PATJ: variants seen among roughly 807,000 people sequenced by gnomAD.
The protein encoded by PATJ is PATJ crumbs cell polarity complex component.
Under a neutral mutation model 224.9 loss-of-function variants are expected in PATJ, and 190 were observed. The ratio of observed to expected loss-of-function variants is 0.84; its 90% CI spans 0.75 to 0.95. PATJ has a LOEUF of 0.95. Among genes scored for constraint, PATJ ranks in the 40% least tolerant of loss-of-function variants. PATJ has a pLI of 0.00. For missense variants in PATJ, 2,121 were observed against 2,270.3 expected (o/e 0.93, Z 1.34); for synonymous variants, 769 against 820.3 (o/e 0.94, Z 1.07).
chr1:62,140,457 G>C (rs10889289), intron 41 of PATJ, among the ~76,000 whole-genome samples: 1 of 151,826 alleles, frequency 6.6e-6, no homozygotes, highest in African/African-American at 2.4e-5. Flanking sequence ...GTTTGAGACC[G>C]GCCTGGCCAA....
At chr1:62,004,565 G>A (rs1016297660) in intron 28 of PATJ, among the ~76,000 whole-genome samples, 3 of 152,032 alleles carry the variant, frequency 2.0e-5, no homozygotes, top group Non-Finnish European at 4.4e-5. Context: ...TTGGCTATAA[G>A]TTCTGATTCT....
chr1:62,067,123 CTT>C (rs11381578), intron 31 of PATJ, among the ~76,000 whole-genome samples: 12,295 of 116,474 alleles, frequency 0.11, 1,278 homozygotes, highest in African/African-American at 0.3. Context: ...CCTATTCTTT[CTT>C]TTTTTTTTTT....
rs1029831017 is a variant in PATJ at position 61,746,161 on chromosome 1, C to T, written c.-36+3606C>T. Among the ~76,000 whole-genome samples, 12 of 152,120 alleles carry T rather than the reference C, an allele frequency of 7.9e-5. No individual in the cohort carries two copies. In the South Asian group the frequency reaches 1.0e-3, roughly 13 times the overall value. ...TTTGCCATGTTGGCCAGGCTGGTCT[C>T]GGACTCCTGACCTCAAGAGATCTGC... On this transcript the variant is annotated intron_variant, in intron 1 of 43. Transcript: ENST00000642238.
At chr1:61,965,612 G>T (rs1436371767) in intron 27 of PATJ, among the ~76,000 whole-genome samples, 1 of 152,208 alleles carries the variant, frequency 6.6e-6, no homozygotes, top group African/African-American at 2.4e-5. Context: ...AAGTAGTTCA[G>T]TTGACAAGGG....
intron 28 of PATJ, among the ~76,000 whole-genome samples, chr1:61,996,735 T>A (rs1348667794): frequency 9.2e-6 from 1 of 109,140 alleles, no homozygotes; most frequent in Non-Finnish European, 1.8e-5. Flanking sequence ...TTTTTTCTTT[T>A]CTTTTCTTTT....
At chr1:61,952,480 G>A (rs1679863222) in intron 27 of PATJ, 1 of 714,616 alleles carries the variant, frequency 1.4e-6, no homozygotes, top group South Asian at 1.5e-5. Context: ...TTTAGTGTTG[G>A]TGCAGAATGT....
intron 8 of PATJ, among the ~76,000 whole-genome samples, chr1:61,788,244 G>C (rs1036595485): frequency 1.3e-5 from 2 of 152,092 alleles, no homozygotes; most frequent in Non-Finnish European, 2.9e-5. Flanking sequence ...TCATTGGGCT[G>C]GTGAGGAGAC....
chr1:61,786,729 T>C (rs193199675), intron 7 of PATJ, among the ~76,000 whole-genome samples: 33 of 152,168 alleles, frequency 2.2e-4, no homozygotes, highest in African/African-American at 7.2e-4. Context: ...CAGTGGCTTA[T>C]GCCTGTAATC....
At chr1:61,861,493 T>C in intron 18 of PATJ, 58 bp from the exon 19 acceptor site, 1 of 627,292 alleles carries the variant, frequency 1.6e-6, no homozygotes, top group Non-Finnish European at 2.8e-6. Flanking sequence ...CTCCCTCCCC[T>C]TGCTCCCCAC....
rs762722938 is a variant in PATJ at position 62,045,316 on chromosome 1, G to A, written c.4033-5650G>A. Among the ~76,000 whole-genome samples the A allele has an allele frequency of 4.6e-5, 7 of 152,016 alleles. No homozygotes were observed. The East Asian group carries it at 7.7e-4, about 17-fold the overall frequency. ...TGAATGCCTACTCTCAAATAAAATA[G>A]CATTCTTGCTATCAAGATTCGCTGT... On this transcript the variant is annotated intron_variant, in intron 30 of 43. Coordinates refer to ENST00000642238, the MANE Select transcript of PATJ (RefSeq NM_001350145.3).
At position 61,819,800 on chromosome 1, in the gene PATJ, C is replaced by T. The variant is rs558087805; in HGVS notation, c.1684-3145C>T. Among the ~76,000 whole-genome samples the T allele has an allele frequency of 5.3e-5, 8 of 152,244 alleles. No individual in the cohort carries two copies. The East Asian group carries it at 1.2e-3, about 22-fold the overall frequency. ...CTCTGTAGGAGTAAGACTGTTTAAT[C>T]ACTTGTCCCACCTGCATTTAGCAAC... is the stretch of plus-strand genomic sequence containing the variant. On this transcript the variant is annotated intron_variant, in intron 14 of 43. Coordinates refer to ENST00000642238, the MANE Select transcript of PATJ (RefSeq NM_001350145.3).
intron 29 of PATJ, 22 bp from the exon 30 acceptor site, chr1:62,037,955 T>A (rs757858528): frequency 1.9e-6 from 3 of 1,564,088 alleles, no homozygotes; most frequent in Non-Finnish European, 2.6e-6. Context: ...GTACTGATTC[T>A]GCCTATTTTA....
At chr1:62,107,819 A>G (rs956090189) in intron 33 of PATJ, among the ~76,000 whole-genome samples, 25 of 152,214 alleles carry the variant, frequency 1.6e-4, no homozygotes, top group Non-Finnish European at 7.3e-5. Context: ...GCTTACCTAC[A>G]GTAGATATTG....
chr1:61,928,142 A>T (rs1260377540), intron 27 of PATJ, among the ~76,000 whole-genome samples: 3 of 152,192 alleles, frequency 2.0e-5, no homozygotes, highest in African/African-American at 7.2e-5. Context: ...ACCCATAATT[A>T]TCTGGGTTGG....
chr1:61,867,609 G>A (rs1665634247), intron 20 of PATJ, among the ~76,000 whole-genome samples: 1 of 146,778 alleles, frequency 6.8e-6, no homozygotes, highest in African/African-American at 2.6e-5. Flanking sequence ...TCTCACGTAG[G>A]CTGTAAAGGT....
At chr1:61,852,141 AGAG>A (rs1662926832) in intron 17 of PATJ, among the ~76,000 whole-genome samples, 1 of 146,804 alleles carries the variant, frequency 6.8e-6, no homozygotes, top group African/African-American at 2.5e-5. Flanking sequence ...AAAAAAAAAA[AGAG>A]GTGTAGGGTA....
chr1:62,135,385 G>A (rs987168430), intron 41 of PATJ, among the ~76,000 whole-genome samples: 2 of 151,932 alleles, frequency 1.3e-5, no homozygotes, highest in Non-Finnish European at 2.9e-5. Flanking sequence ...GCATGGTAAT[G>A]CATACCTGTA....
chr1:61,981,775 G>A (rs58529158), intron 27 of PATJ, among the ~76,000 whole-genome samples: 9,344 of 151,600 alleles, frequency 0.062, 709 homozygotes, highest in East Asian at 0.36. Flanking sequence ...AGATTCAAGC[G>A]ATTCTCCTGC....
At position 62,062,392 on chromosome 1, in the gene PATJ, C is replaced by CTTTTTTTTTTTTTTTTT. The variant is rs60747316; in HGVS notation, c.4125+11345_4125+11361dup. Among the ~76,000 whole-genome samples the CTTTTTTTTTTTTTTTTT allele has an allele frequency of 2.2e-3, 63 of 28,484 alleles. 4 individuals are homozygous for CTTTTTTTTTTTTTTTTT. The highest frequency in any genetic ancestry group is 5.7e-3 in the East Asian group (5 of 882). 18.7% of individuals were successfully genotyped at this position (28,484 alleles called of 152,430 possible). ...TGGTTGGCTGCTTCTATGTTGTCTT[C>CTTTTTTTTTTTTTTTTT]TTTTTTTTTTTTTTTTTTTTTTTTT... On this transcript the variant is annotated intron_variant, in intron 31 of 43. Transcript: ENST00000642238.
Sources: allele counts gnomAD v4.1 joint callset (sites outside exome capture counted in the v4.1 genomes callset), GRCh38; gene constraint gnomAD v4.1.1; transcripts MANE v1.5; gene names NCBI Gene and HGNC (gene_info 2026-07-23, HGNC 2026-07-21).